Variants in ZNF578 observed in about 807,000 individuals in gnomAD.
ZNF578 encodes the protein zinc finger protein 578, also known as Putative chemokine-related protein B42.
A neutral mutation model predicts 8.3 loss-of-function variants in ZNF578; 8 were observed. The observed-to-expected ratio is 0.96, with a 90% CI of 0.56 to 1.74. The LOEUF (loss-of-function observed/expected upper bound fraction) is 1.74, where lower values mean the gene tolerates loss of function less well. ZNF578 is among the 40% of genes most tolerant of loss of function. The probability of loss-of-function intolerance (pLI) is 0.00; values close to 1 mark genes in which losing one functional copy is unlikely to be tolerated. For missense variants in ZNF578, 726 were observed against 707.5 expected (o/e 1.03, Z -0.30); for synonymous variants, 206 against 232.2 (o/e 0.89, Z 1.03).
intron 5 of ZNF578, among the ~76,000 whole-genome samples, chr19:52,506,592 AG>A (rs1456659663): frequency 1.3e-5 from 2 of 149,838 alleles, no homozygotes; most frequent in East Asian, 4.0e-4. Flanking sequence ...CAGCCTTCTG[AG>A]TAGCTGAAAT....
rs1043044639 is a variant in ZNF578, at chr19:52,516,458, CTG to C, written c.*4306_*4307del. Among the ~76,000 whole-genome samples the C allele has an allele frequency of 2.0e-4, 30 of 152,210 alleles. No individual in the cohort carries two copies. Among genetic ancestry groups the C allele is most frequent in the Non-Finnish European group, 2.9e-5 (2 of 68,042 alleles). ...ATGGTGAGGAGGGCCGCAGGGGGGA[CTG>C]TATTTGCTCAGGGTGAGGTCTCCTT... is the stretch of plus-strand genomic sequence containing the variant. On this transcript the variant is annotated 3_prime_UTR_variant, in exon 6 of 6. Coordinates refer to ENST00000421239, the MANE Select transcript of ZNF578 (RefSeq NM_001099694.2).
At chr19:52,506,709 A>G (rs191889673) in intron 5 of ZNF578, among the ~76,000 whole-genome samples, 129 of 152,112 alleles carry the variant, frequency 8.5e-4, no homozygotes, top group Non-Finnish European at 7.1e-4. Flanking sequence ...TGATCTCTTG[A>G]TCCACCTGCC....
At position 52,511,795 on chromosome 19, in the gene ZNF578, A is replaced by G. The variant is rs2059448898; in HGVS notation, c.1414A>G (p.Arg472Gly). The G allele has an allele frequency of 1.2e-6, 2 of 1,613,446 alleles. No individual in the cohort carries two copies. Among genetic ancestry groups the G allele is most frequent in the Non-Finnish European group, 8.5e-7 (1 of 1,179,786 alleles). The change falls in exon 6 of 6, where the codon AGA becomes GGA. Residue 472 changes from arginine to glycine, a missense_variant. By Grantham distance (125) the Arg-to-Gly change is moderately radical (BLOSUM62 -2). Coordinates refer to ENST00000421239, the MANE Select transcript of ZNF578 (RefSeq NM_001099694.2). ...TTTCAGTCAGAAATCAAACCTTGAG[A>G]GACACAAGATAATTCATACTGGAGA... ...RVFSQKSNLE[R>G]HKIIHTGEKP... is the part of the protein sequence containing the mutation.
rs370992437 is a variant in ZNF578, at chr19:52,515,687, A to G, written c.*3533A>G. 1.2e-3 allele frequency among the ~76,000 whole-genome samples: 183 copies of G among 150,672 alleles called. 2 individuals carry two copies. In the East Asian group the frequency reaches 0.023, roughly 19 times the overall value. ...GAAAAGGTCAACCCGAGTGTCCCTG[A>G]CCGTTGAAATGATTGGCAAAATGGA... On this transcript the variant is annotated 3_prime_UTR_variant, in exon 6 of 6. Coordinates refer to ENST00000421239, the MANE Select transcript of ZNF578 (RefSeq NM_001099694.2).
chr19:52,511,493 A>G lies in ZNF578; in HGVS notation c.1112A>G (p.Tyr371Cys). ...AGACTTCATACTGGAATAAAACCTT[A>G]CAAGTGTAATGAGTGTGGCAAGATG... ...HRRLHTGIKP[Y>C]KCNECGKMFG... The change falls in exon 6 of 6, where the codon TAC becomes TGC. Residue 371 changes from tyrosine to cysteine, a missense_variant. Transcript: ENST00000421239. 6.2e-7 allele frequency: 1 copy of G among 1,614,068 alleles called. No individual in the cohort carries two copies. Among genetic ancestry groups the G allele is most frequent in the Non-Finnish European group, 8.5e-7 (1 of 1,179,954 alleles).
intron 2 of ZNF578, chr19:52,458,235 A>G (rs2059245262): frequency 2.0e-5 from 3 of 152,512 alleles, no homozygotes; most frequent in Admixed American, 6.5e-5. Flanking sequence ...AAACCATTCT[A>G]AGTACATCCA....
Position 52,515,858 on chromosome 19 carries a change from CA to C in ZNF578, c.*3706del, listed in dbSNP as rs1297041823. On this transcript the variant is annotated 3_prime_UTR_variant, in exon 6 of 6. Transcript: ENST00000421239. ...TAGACTCAGACACAGAGACCATCTT[CA>C]AGGCCTTTCTCTGTATGAGGACATC... Among the ~76,000 whole-genome samples, 1 of 152,076 alleles carries C rather than the reference CA, an allele frequency of 6.6e-6. No homozygotes were observed. Among genetic ancestry groups the C allele is most frequent in the African/African-American group, 2.4e-5 (1 of 41,416 alleles).
At position 52,513,292 on chromosome 19, in the gene ZNF578, G is replaced by T. The variant is rs951216098; in HGVS notation, c.*1138G>T. ...CCACCTCAGCCTCCCAAAGTGATGA[G>T]ATTACAGGCATATGCCACCGCGCCT... is the stretch of plus-strand genomic sequence containing the variant. On this transcript the variant is annotated 3_prime_UTR_variant, in exon 6 of 6. Transcript: ENST00000421239. 4.8e-5 allele frequency among the ~76,000 whole-genome samples: 7 copies of T among 147,006 alleles called. No individual in the cohort carries two copies. Among genetic ancestry groups the T allele is most frequent in the Non-Finnish European group, 1.5e-5 (1 of 66,900 alleles).
Position 52,501,244 on chromosome 19 carries a change from G to A in ZNF578, c.-19-583G>A, listed in dbSNP as rs1227783372. Reference sequence around the variant, plus strand: ...TCCTGGTGAGAACTTGGCCCCAAGCGGAGGGCAGAGCCAGAACGTGGGGCT... The same window carrying A: ...TCCTGGTGAGAACTTGGCCCCAAGCAGAGGGCAGAGCCAGAACGTGGGGCT... On this transcript the variant is annotated intron_variant, in intron 3 of 5. Coordinates refer to ENST00000421239, the MANE Select transcript of ZNF578 (RefSeq NM_001099694.2). 5.3e-5 allele frequency among the ~76,000 whole-genome samples: 8 copies of A among 152,200 alleles called. No homozygotes were observed. In the East Asian group the frequency reaches 1.4e-3, roughly 26 times the overall value.
chr19:52,476,322 T>C (rs2059308228), intron 2 of ZNF578, among the ~76,000 whole-genome samples: 1 of 152,154 alleles, frequency 6.6e-6, no homozygotes, highest in South Asian at 2.1e-4. Context: ...CTGCATCCAA[T>C]TGCTCTTTTA....
rs531536476 is a variant in ZNF578 at position 52,510,549 on chromosome 19, G to A, written c.191-23G>A. ...TTACCATCTGCACTTAATTGCAAAC[G>A]TATTGGTGTTTATATTTTGTAGATA... On this transcript the variant is annotated intron_variant, in intron 5 of 5. Transcript: ENST00000421239. 29 of 1,508,418 alleles carry A rather than the reference G, an allele frequency of 1.9e-5. No individual in the cohort carries two copies. In the African/African-American group the frequency reaches 2.4e-4, roughly 12 times the overall value. 93.4% of individuals were successfully genotyped at this position (1,508,418 alleles called of 1,614,324 possible). A position where few individuals can be genotyped will look rare whatever the true frequency, so the allele number is the denominator to read the frequency against.
chr19:52,501,623 G>GT (rs1367272264), intron 3 of ZNF578, among the ~76,000 whole-genome samples: 1 of 119,848 alleles, frequency 8.3e-6, no homozygotes, highest in African/African-American at 3.5e-5. Context: ...TGCTCCAGGA[G>GT]GGGGGCGAGA....
At chr19:52,463,642 T>C (rs150083108) in intron 2 of ZNF578, among the ~76,000 whole-genome samples, 1 of 152,320 alleles carries the variant, frequency 6.6e-6, no homozygotes, top group African/African-American at 2.4e-5. Context: ...ATCAATAATA[T>C]ATTTAATTAA....
intron 3 of ZNF578, among the ~76,000 whole-genome samples, chr19:52,497,513 G>T (rs1372850904): frequency 6.6e-6 from 1 of 152,204 alleles, no homozygotes; most frequent in Non-Finnish European, 1.5e-5. Flanking sequence ...GAGTCACCAT[G>T]CCCGGCCTTA....
intron 5 of ZNF578, among the ~76,000 whole-genome samples, chr19:52,505,247 TC>T (rs1354175245): frequency 6.6e-6 from 1 of 151,940 alleles, no homozygotes; most frequent in African/African-American, 2.4e-5. Context: ...ACAATGTTCA[TC>T]CCATAAACTA....
intron 2 of ZNF578, among the ~76,000 whole-genome samples, chr19:52,480,606 A>G (rs2059322591): frequency 6.7e-6 from 1 of 148,684 alleles, no homozygotes; most frequent in Admixed American, 6.7e-5. Context: ...AAAAAAAAAA[A>G]AAAATTTTTG....
chr19:52,510,533 G>A (rs545856249), intron 5 of ZNF578, 39 bp from the exon 6 acceptor site: 2 of 1,492,866 alleles, frequency 1.3e-6, no homozygotes, highest in African/African-American at 2.8e-5. Context: ...TTTACCATCT[G>A]CACTTAATTG....
At chr19:52,490,105 T>C (rs568960533) in intron 2 of ZNF578, among the ~76,000 whole-genome samples, 2 of 152,350 alleles carry the variant, frequency 1.3e-5, no homozygotes, top group South Asian at 4.1e-4. Context: ...ATTTGTTTTA[T>C]ACAATGTTTT....
chr19:52,504,788 A>C lies in ZNF578; in HGVS notation c.190+7A>C. 6.2e-7 allele frequency: 1 copy of C among 1,613,986 alleles called. No homozygotes were observed. ...AGGAACCTGGAGGCTGTGGGTGAGG[A>C]AAATGTCCCTGCAGACATGAGGAGT... is the stretch of plus-strand genomic sequence containing the variant. On this transcript the variant is annotated splice_region_variant and intron_variant, in intron 5 of 5. Transcript: ENST00000421239.
Sources: gnomAD v4.1 joint callset for allele counts (sites outside exome capture counted in the v4.1 genomes callset) on GRCh38, gnomAD v4.1.1 for gene constraint, MANE v1.5 for transcripts, NCBI Gene and HGNC (gene_info 2026-07-23, HGNC 2026-07-21) for gene names.